Variants in C11orf65 observed in about 807,000 individuals in gnomAD.
C11orf65 encodes the protein chromosome 11 open reading frame 65.
In C11orf65, 38 loss-of-function variants were observed where a neutral mutation model predicts 35.3. The ratio of observed to expected loss-of-function variants is 1.08; its 90% confidence interval spans 0.83 to 1.41. The LOEUF is 1.41. Among genes scored for constraint, C11orf65 ranks in the 40% most tolerant of loss-of-function variants. C11orf65 has a pLI of 0.00. For synonymous variants in C11orf65, 105 were observed against 114.4 expected, an observed-to-expected ratio of 0.92 and a Z score of 0.53; for missense variants, 370 against 367.1, an observed-to-expected ratio of 1.01 and a Z score of -0.06.
At chr11:108,449,087 G>A (rs1028603980) in intron 2 of C11orf65, among the ~76,000 whole-genome samples, 5 of 152,096 alleles carry the variant, frequency 3.3e-5, no homozygotes, top group African/African-American at 1.2e-4. Context: ...GGGATGTGAA[G>A]GACCTCTTCA....
At chr11:108,363,537 A>G (rs369062486) in intron 2 of C11orf65, among the ~76,000 whole-genome samples, 16 of 152,174 alleles carry the variant, frequency 1.1e-4, no homozygotes, top group East Asian at 5.8e-4. Context: ...TATTGTCACA[A>G]TTGGGGATGG....
chr11:108,465,519 TAG>T (rs1309235965), intron 1 of C11orf65, among the ~76,000 whole-genome samples: 3 of 152,114 alleles, frequency 2.0e-5, no homozygotes, highest in Admixed American at 1.3e-4. Flanking sequence ...ATAAAGTCAC[TAG>T]TGACTGTACA....
At chr11:108,371,812 T>G (rs2091583418) in intron 2 of C11orf65, among the ~76,000 whole-genome samples, 1 of 152,204 alleles carries the variant, frequency 6.6e-6, no homozygotes, top group African/African-American at 2.4e-5. Flanking sequence ...ACCATACTGT[T>G]TTTCCACAGT....
At chr11:108,320,302 T>G (rs544954822) in intron 6 of C11orf65, among the ~76,000 whole-genome samples, 1 of 152,242 alleles carries the variant, frequency 6.6e-6, no homozygotes, top group East Asian at 1.9e-4. Context: ...CTTTGTTCTC[T>G]TCCTATACAA....
chr11:108,415,848 T>A (rs567786188), intron 3 of C11orf65, among the ~76,000 whole-genome samples: 49 of 152,076 alleles, frequency 3.2e-4, no homozygotes, highest in African/African-American at 1.2e-3. Flanking sequence ...GCAAAGGCAA[T>A]TTAGTGACAA....
chr11:108,327,329 CTTAT>C (rs1442600725), downstream of C11orf65: 1 of 313,774 alleles, frequency 3.2e-6, no homozygotes, highest in Non-Finnish European at 6.1e-6. Flanking sequence ...AATAATAGTA[CTTAT>C]TTAATAGGAT....
rs1165078523 is a variant in C11orf65, at chr11:108,325,656, T to C, written c.641-16585A>G. Reference sequence around the variant, plus strand: ...GTCATTAAGAGATAGAGATCTCTATTAATATATAGTAAAAATAATTGTTTA... The same window carrying C: ...GTCATTAAGAGATAGAGATCTCTATCAATATATAGTAAAAATAATTGTTTA... On this transcript the variant is annotated intron_variant, in intron 6 of 6. Transcript: ENST00000525729. The C allele has an allele frequency of 6.8e-6, 6 of 888,650 alleles. No homozygotes were observed. In the Admixed American group the frequency reaches 7.9e-5, roughly 12 times the overall value. 55.0% of individuals were successfully genotyped at this position (888,650 alleles called of 1,614,324 possible). A position where few individuals can be genotyped will look rare whatever the true frequency, so the allele number is the denominator to read the frequency against.
At chr11:108,329,328 C>A (rs2086016555), downstream of C11orf65, 12 of 1,190,650 alleles carry the variant, frequency 1.0e-5, no homozygotes, top group Non-Finnish European at 9.8e-6. Flanking sequence ...GTCTTTTTAT[C>A]TGATATAGTT....
At chr11:108,310,356 G>A (rs886945341) in intron 6 of C11orf65, 2 of 1,566,624 alleles carry the variant, frequency 1.3e-6, no homozygotes, top group African/African-American at 1.4e-5. Context: ...AATTAATGTT[G>A]GCATTGTCTC....
At chr11:108,437,708 A>T (rs12274247) in intron 2 of C11orf65, among the ~76,000 whole-genome samples, 709 of 39,508 alleles carry the variant, frequency 0.018, 9 homozygotes, top group African/African-American at 0.056. Flanking sequence ...ACTCAGTCTT[A>T]AAAAAAAAAA....
intron 3 of C11orf65, among the ~76,000 whole-genome samples, chr11:108,431,440 A>T (rs1302746868): frequency 6.6e-6 from 1 of 152,242 alleles, no homozygotes; most frequent in Non-Finnish European, 1.5e-5. Flanking sequence ...ACAGGAAATT[A>T]AAGTATTATG....
chr11:108,396,002 G>A (rs1220558477), intron 6 of C11orf65, among the ~76,000 whole-genome samples: 1 of 152,132 alleles, frequency 6.6e-6, no homozygotes, highest in African/African-American at 2.4e-5. Flanking sequence ...TACACAGTAA[G>A]CATTCATAGG....
chr11:108,373,711 G>A (rs964952241), intron 2 of C11orf65, among the ~76,000 whole-genome samples: 6 of 152,232 alleles, frequency 3.9e-5, no homozygotes, highest in Admixed American at 2.0e-4. Context: ...GCCAGCCGAA[G>A]CAGGGCGTGG....
At chr11:108,400,011 C>T (rs925313202) in intron 6 of C11orf65, among the ~76,000 whole-genome samples, 1 of 152,184 alleles carries the variant, frequency 6.6e-6, no homozygotes, top group African/African-American at 2.4e-5. Context: ...ATTTCTAATG[C>T]TGTTGGGACT....
intron 6 of C11orf65, among the ~76,000 whole-genome samples, chr11:108,393,621 C>T (rs529415665): frequency 8.6e-5 from 13 of 151,970 alleles, no homozygotes; most frequent in South Asian, 2.1e-4. Flanking sequence ...TTTTATGATA[C>T]GAAGAAAAAC....
At chr11:108,380,656 T>A (rs1433751857), downstream of C11orf65, among the ~76,000 whole-genome samples, 1 of 152,238 alleles carries the variant, frequency 6.6e-6, no homozygotes, top group African/African-American at 2.4e-5. Flanking sequence ...CATGGGCCTT[T>A]TCTCAGAAAA....
intron 2 of C11orf65, among the ~76,000 whole-genome samples, chr11:108,442,358 C>T (rs1427067084): frequency 2.0e-5 from 3 of 152,152 alleles, no homozygotes; most frequent in South Asian, 4.1e-4. Flanking sequence ...ATTGGTGTAC[C>T]TGAAAGTGAT....
At chr11:108,373,111 G>C (rs2091616194) in intron 2 of C11orf65, among the ~76,000 whole-genome samples, 2 of 151,716 alleles carry the variant, frequency 1.3e-5, no homozygotes, top group African/African-American at 2.4e-5. Context: ...GAAAACTAAA[G>C]ACCAATATCC....
chr11:108,413,344 C>T (rs1456472217), intron 3 of C11orf65, among the ~76,000 whole-genome samples: 2 of 152,200 alleles, frequency 1.3e-5, no homozygotes, highest in African/African-American at 4.8e-5. Context: ...TTCCCTCCAA[C>T]CAGCTCATCC....
Sources: allele counts gnomAD v4.1 joint callset (sites outside exome capture counted in the v4.1 genomes callset), GRCh38; gene constraint gnomAD v4.1.1; transcripts MANE v1.5; gene names NCBI Gene and HGNC (gene_info 2026-07-23, HGNC 2026-07-21).